CPA6: variants seen among roughly 807,000 people sequenced by gnomAD.
CPA6 encodes the protein carboxypeptidase A6.
A neutral mutation model predicts 63.3 loss-of-function variants in CPA6; 58 were observed. That is an observed-to-expected ratio of 0.92 (90% CI 0.74 to 1.14). CPA6 has a LOEUF of 1.14. CPA6 is among the 50% of genes most tolerant of loss of function. The probability of loss-of-function intolerance (pLI) is 0.00; values close to 1 mark genes in which losing one functional copy is unlikely to be tolerated. For synonymous variants in CPA6, 185 were observed against 179.0 expected (o/e 1.03, Z -0.27); for missense variants, 565 against 526.6 (o/e 1.07, Z -0.71).
chr8:67,595,613 G>A (rs1418794976), intron 2 of CPA6, among the ~76,000 whole-genome samples: 1 of 152,228 alleles, frequency 6.6e-6, no homozygotes, highest in Non-Finnish European at 1.5e-5. Flanking sequence ...CAGCCTTGCT[G>A]CCACCTTGCA....
At chr8:67,609,241 C>T (rs1307983796) in intron 2 of CPA6, among the ~76,000 whole-genome samples, 1 of 152,202 alleles carries the variant, frequency 6.6e-6, no homozygotes, top group African/African-American at 2.4e-5. Context: ...TTACAACACC[C>T]TCAAATAACT....
intron 1 of CPA6, among the ~76,000 whole-genome samples, chr8:67,690,852 A>G (rs554434871): frequency 3.3e-5 from 5 of 152,342 alleles, no homozygotes; most frequent in East Asian, 1.9e-4. Context: ...TCAAGCAACA[A>G]TGAAATGCCA....
intron 2 of CPA6, among the ~76,000 whole-genome samples, chr8:67,555,153 C>T (rs933787097): frequency 3.9e-5 from 6 of 152,096 alleles, no homozygotes; most frequent in Non-Finnish European, 7.4e-5. Context: ...GCTCCTTAAA[C>T]CCTTGGAATT....
intron 3 of CPA6, among the ~76,000 whole-genome samples, chr8:67,512,654 G>T (rs1240994445): frequency 6.6e-6 from 1 of 152,182 alleles, no homozygotes; most frequent in Non-Finnish European, 1.5e-5. Flanking sequence ...AAGCACTTCA[G>T]TCATTTGCAT....
chr8:67,506,562 T>C (rs1221804224), intron 6 of CPA6, among the ~76,000 whole-genome samples: 3 of 152,198 alleles, frequency 2.0e-5, no homozygotes, highest in Non-Finnish European at 2.9e-5. Context: ...GTTCTTTCTC[T>C]GTAATGAGAG....
intron 8 of CPA6, among the ~76,000 whole-genome samples, chr8:67,440,744 G>GGCA (rs1180581534): frequency 6.6e-6 from 1 of 151,932 alleles, no homozygotes; most frequent in Non-Finnish European, 1.5e-5. Flanking sequence ...ATTATAACAA[G>GGCA]ATGATAAATA....
At chr8:67,657,729 C>G (rs1294515005) in intron 1 of CPA6, among the ~76,000 whole-genome samples, 1 of 152,106 alleles carries the variant, frequency 6.6e-6, no homozygotes, top group Non-Finnish European at 1.5e-5. Flanking sequence ...TTTTCCAATA[C>G]CTTGTCTTCT....
Position 67,707,552 on chromosome 8 carries a change from A to G in CPA6, c.116+38462T>C, listed in dbSNP as rs141195779. On this transcript the variant is annotated intron_variant, in intron 1 of 10. Coordinates refer to ENST00000297770, the MANE Select transcript of CPA6 (RefSeq NM_020361.5). ...AAAAATGTTTTCTTTGCAGTAGGAC[A>G]CAATTAGAGAAACTGGTTATTTTAC... Among the ~76,000 whole-genome samples the G allele has an allele frequency of 2.0e-3, 308 of 152,334 alleles. 3 individuals carry two copies. The highest frequency in any genetic ancestry group is 0.011 in the South Asian group (55 of 4,826).
intron 2 of CPA6, among the ~76,000 whole-genome samples, chr8:67,550,702 T>C (rs1812920191): frequency 1.3e-5 from 2 of 152,156 alleles, no homozygotes; most frequent in Admixed American, 1.3e-4. Context: ...CAGCATCTTG[T>C]TATTTTTTGA....
chr8:67,454,878 C>T (rs918984246), intron 8 of CPA6, among the ~76,000 whole-genome samples: 23 of 152,066 alleles, frequency 1.5e-4, no homozygotes, highest in Non-Finnish European at 3.1e-4. Flanking sequence ...GACATGCACA[C>T]ATGAGAAAAT....
intron 1 of CPA6, among the ~76,000 whole-genome samples, chr8:67,730,554 G>A (rs1817686774): frequency 1.3e-5 from 2 of 152,106 alleles, no homozygotes. Context: ...CTGGAGGTTG[G>A]GGGATGGGGC....
chr8:67,656,656 A>G (rs1168426492), intron 1 of CPA6, among the ~76,000 whole-genome samples: 1 of 152,218 alleles, frequency 6.6e-6, no homozygotes, highest in African/African-American at 2.4e-5. Context: ...TATCTATAAA[A>G]GGGTGTAAAC....
At chr8:67,578,698 C>T (rs1813689253) in intron 2 of CPA6, among the ~76,000 whole-genome samples, 1 of 152,104 alleles carries the variant, frequency 6.6e-6, no homozygotes, top group Admixed American at 6.6e-5. Context: ...CTTGCATTTT[C>T]AAGAAACATC....
chr8:67,705,356 G>C (rs551038436), intron 1 of CPA6, among the ~76,000 whole-genome samples: 2 of 152,282 alleles, frequency 1.3e-5, no homozygotes, highest in South Asian at 4.2e-4. Flanking sequence ...GGCAACTCTG[G>C]AGGTGGCAAG....
chr8:67,500,400 G>C (rs537619348), intron 6 of CPA6, among the ~76,000 whole-genome samples: 31 of 152,058 alleles, frequency 2.0e-4, no homozygotes, highest in African/African-American at 7.2e-4. Flanking sequence ...GCTTTTTACT[G>C]TCAAGTTTTG....
intron 2 of CPA6, among the ~76,000 whole-genome samples, chr8:67,563,242 G>C (rs1029186617): frequency 6.6e-6 from 1 of 152,144 alleles, no homozygotes; most frequent in African/African-American, 2.4e-5. Context: ...AACTGTTCCT[G>C]AGTAAATTAA....
At chr8:67,700,050 C>T (rs1276352869) in intron 1 of CPA6, among the ~76,000 whole-genome samples, 1 of 152,122 alleles carries the variant, frequency 6.6e-6, no homozygotes, top group East Asian at 1.9e-4. Flanking sequence ...TTATCAAACT[C>T]TATTATTTTG....
At chr8:67,514,744 G>A (rs1240215132) in intron 3 of CPA6, among the ~76,000 whole-genome samples, 1 of 152,128 alleles carries the variant, frequency 6.6e-6, no homozygotes, top group Non-Finnish European at 1.5e-5. Flanking sequence ...CTTTTCTACT[G>A]AATAGTAATT....
At chr8:67,617,497 C>T (rs990107395) in intron 2 of CPA6, among the ~76,000 whole-genome samples, 2 of 152,166 alleles carry the variant, frequency 1.3e-5, no homozygotes, top group African/African-American at 4.8e-5. Flanking sequence ...AGAAATGTAA[C>T]TTCCTACCCC....
Sources: allele counts gnomAD v4.1 joint callset (sites outside exome capture counted in the v4.1 genomes callset), GRCh38; gene constraint gnomAD v4.1.1; transcripts MANE v1.5; gene names NCBI Gene and HGNC (gene_info 2026-07-23, HGNC 2026-07-21).